GRIN2A: variants seen among roughly 807,000 people sequenced by gnomAD.
The protein encoded by GRIN2A is glutamate ionotropic receptor NMDA type subunit 2A, also known as glutamate receptor ionotropic, NMDA 2A.
A neutral mutation model predicts 113.4 loss-of-function variants in GRIN2A; 22 were observed. The observed-to-expected ratio is 0.19, with a 90% confidence interval of 0.14 to 0.28. The LOEUF (loss-of-function observed/expected upper bound fraction) is 0.28. Ranked by LOEUF, GRIN2A falls within the 10% of genes least tolerant of loss-of-function variation. GRIN2A has a pLI of 1.00. For missense variants in GRIN2A, 1,502 were observed against 1,887.0 expected (o/e 0.80, Z 3.78); for synonymous variants, 827 against 738.4 (o/e 1.12, Z -1.94).
intron 2 of GRIN2A, among the ~76,000 whole-genome samples, chr16:10,009,116 G>C (rs2046456438): frequency 6.6e-6 from 1 of 152,186 alleles, no homozygotes; most frequent in African/African-American, 2.4e-5. Context: ...TTGCTGGTAA[G>C]TGACCACTTT....
At chr16:10,010,686 C>T (rs1450755252) in intron 2 of GRIN2A, among the ~76,000 whole-genome samples, 1 of 152,148 alleles carries the variant, frequency 6.6e-6, no homozygotes, top group African/African-American at 2.4e-5. Context: ...ATGACTAGGA[C>T]TCAGCTCAGA....
chr16:9,764,394 C>T lies in GRIN2A; in HGVS notation c.3150G>A (p.Arg1050=), dbSNP rs1267310096. The T allele has an allele frequency of 6.2e-7, 1 of 1,614,104 alleles. No individual in the cohort carries two copies. Among genetic ancestry groups the T allele is most frequent in the Non-Finnish European group, 8.5e-7 (1 of 1,180,016 alleles). Residue 1050 remains arginine, a synonymous_variant, in exon 13 of 13, where the codon AGG becomes AGA. Transcript: ENST00000330684. ...AGTGGGCCATCTCTTCTGGAAGATACCTAGGGCTCTTTAGGGAGTGGGTCC... is the reference window on the plus strand; with the variant it reads ...AGTGGGCCATCTCTTCTGGAAGATATCTAGGGCTCTTTAGGGAGTGGGTCC... ...ENRTHSLKSP[R]YLPEEMAHSD...
intron 10 of GRIN2A, among the ~76,000 whole-genome samples, chr16:9,814,914 G>T (rs2042156748): frequency 6.6e-6 from 1 of 151,958 alleles, no homozygotes; most frequent in Non-Finnish European, 1.5e-5. Context: ...CAGCTACTCG[G>T]GAAGGCTGAG....
At chr16:10,062,570 A>C (rs2047567456) in intron 2 of GRIN2A, among the ~76,000 whole-genome samples, 1 of 152,206 alleles carries the variant, frequency 6.6e-6, no homozygotes, top group Non-Finnish European at 1.5e-5. Flanking sequence ...CATTGGGTTA[A>C]CACGCCGGGC....
intron 2 of GRIN2A, among the ~76,000 whole-genome samples, chr16:10,037,486 T>C (rs2047058546): frequency 6.6e-6 from 1 of 152,162 alleles, no homozygotes; most frequent in Non-Finnish European, 1.5e-5. Context: ...AAAAGTATAT[T>C]GGACTAAGTT....
At chr16:10,151,989 C>T (rs915581492) in intron 2 of GRIN2A, among the ~76,000 whole-genome samples, 1 of 152,216 alleles carries the variant, frequency 6.6e-6, no homozygotes, top group African/African-American at 2.4e-5. Flanking sequence ...GCTGACTTAG[C>T]ACCATGTCTA....
chr16:9,966,064 C>T (rs2045551297), intron 2 of GRIN2A, among the ~76,000 whole-genome samples: 1 of 152,172 alleles, frequency 6.6e-6, no homozygotes, highest in African/African-American at 2.4e-5. Context: ...TTCGAGAATC[C>T]TTGCACTTAT....
At chr16:10,048,822 T>C (rs1407190882) in intron 2 of GRIN2A, among the ~76,000 whole-genome samples, 1 of 152,162 alleles carries the variant, frequency 6.6e-6, no homozygotes, top group Non-Finnish European at 1.5e-5. Context: ...CCTCTCTCCA[T>C]CTCAACCTTG....
At chr16:9,787,128 T>A (rs911104305) in intron 11 of GRIN2A, among the ~76,000 whole-genome samples, 1 of 152,140 alleles carries the variant, frequency 6.6e-6, no homozygotes, top group African/African-American at 2.4e-5. Flanking sequence ...AAAATGCATC[T>A]TATATATATA....
intron 2 of GRIN2A, among the ~76,000 whole-genome samples, chr16:9,968,344 G>A (rs142001368): frequency 4.1e-4 from 62 of 152,054 alleles, no homozygotes; most frequent in African/African-American, 1.1e-3. Context: ...ATGGAGTTTC[G>A]CTCTTATTAC....
intron 4 of GRIN2A, among the ~76,000 whole-genome samples, chr16:9,879,881 T>G (rs924621065): frequency 3.3e-5 from 5 of 152,226 alleles, no homozygotes. Context: ...CTCAAGCTCT[T>G]CAATAGTGCC....
chr16:10,105,804 G>A (rs961608649), intron 2 of GRIN2A, among the ~76,000 whole-genome samples: 2 of 152,218 alleles, frequency 1.3e-5, no homozygotes, highest in Non-Finnish European at 2.9e-5. Context: ...CTACTTGGGA[G>A]GCTGAGGCAG....
intron 4 of GRIN2A, among the ~76,000 whole-genome samples, chr16:9,862,747 T>TA (rs534113214): frequency 5.6e-4 from 85 of 152,208 alleles, no homozygotes; most frequent in Non-Finnish European, 1.2e-3. Flanking sequence ...CTTTTGGTTC[T>TA]ACCTTGGAGT....
At chr16:10,067,366 C>T (rs1250139171) in intron 2 of GRIN2A, among the ~76,000 whole-genome samples, 1 of 152,002 alleles carries the variant, frequency 6.6e-6, no homozygotes, top group East Asian at 1.9e-4. Flanking sequence ...AAGTTATCTC[C>T]CCGTAAACAT....
chr16:9,978,781 T>C (rs2045826049), intron 2 of GRIN2A, among the ~76,000 whole-genome samples: 1 of 152,196 alleles, frequency 6.6e-6, no homozygotes, highest in South Asian at 2.1e-4. Flanking sequence ...TCGGAACGGA[T>C]GTTCCTCTGG....
chr16:10,051,933 C>G (rs1481651211), intron 2 of GRIN2A, among the ~76,000 whole-genome samples: 1 of 152,220 alleles, frequency 6.6e-6, no homozygotes, highest in Non-Finnish European at 1.5e-5. Context: ...GGCACCATAA[C>G]AATGCATTTT....
At chr16:10,060,780 C>G (rs1449153557) in intron 2 of GRIN2A, among the ~76,000 whole-genome samples, 1 of 152,180 alleles carries the variant, frequency 6.6e-6, no homozygotes, top group African/African-American at 2.4e-5. Context: ...CCAGGGATAT[C>G]TAATGAAAGC....
chr16:10,122,106 T>G (rs1476781480), intron 2 of GRIN2A, among the ~76,000 whole-genome samples: 2 of 152,292 alleles, frequency 1.3e-5, no homozygotes, highest in East Asian at 3.9e-4. Flanking sequence ...GCTGTGAAAC[T>G]GGTAACCTAT....
chr16:10,073,594 G>T (rs186780237), intron 2 of GRIN2A, among the ~76,000 whole-genome samples: 14 of 152,202 alleles, frequency 9.2e-5, no homozygotes, highest in South Asian at 4.2e-4. Context: ...TCAAAAAAGT[G>T]GGCCTAGAGG....
Sources: allele counts gnomAD v4.1 joint callset (sites outside exome capture counted in the v4.1 genomes callset), GRCh38; gene constraint gnomAD v4.1.1; transcripts MANE v1.5; gene names NCBI Gene and HGNC (gene_info 2026-07-23, HGNC 2026-07-21).